Variants in STRIP2 observed in about 807,000 individuals in gnomAD.
STRIP2 encodes striatin-interacting protein 2.
In STRIP2, 84 loss-of-function variants were observed where a neutral mutation model predicts 107.1. That is an observed-to-expected ratio of 0.78 (90% confidence interval 0.66 to 0.94). The LOEUF is 0.94. Among genes scored for constraint, STRIP2 ranks in the 40% least tolerant of loss-of-function variants. The pLI, the probability that STRIP2 is intolerant of heterozygous loss-of-function variation, is 0.00. For missense variants in STRIP2, 888 were observed against 1,034.2 expected (o/e 0.86, Z 1.94); for synonymous variants, 394 against 400.4 (o/e 0.98, Z 0.19).
intron 12 of STRIP2, 100 bp downstream of exon 12, chr7:129,459,680 C>T (rs1410184820): frequency 1.3e-5 from 12 of 929,472 alleles, no homozygotes; most frequent in Non-Finnish European, 1.9e-5. Flanking sequence ...ATACCAGACT[C>T]TTTCTGGACC....
chr7:129,462,421 C>T (rs971460812), intron 13 of STRIP2, among the ~76,000 whole-genome samples: 5 of 152,160 alleles, frequency 3.3e-5, no homozygotes, highest in Non-Finnish European at 7.3e-5. Context: ...CCAGCCTCCC[C>T]ACTCTGATAA....
At chr7:129,447,453 C>T (rs781458618) in intron 3 of STRIP2, among the ~76,000 whole-genome samples, 2 of 152,206 alleles carry the variant, frequency 1.3e-5, no homozygotes, top group Non-Finnish European at 2.9e-5. Flanking sequence ...TCCTCTGGCA[C>T]ACAAATGTCT....
rs900887864 is a variant in STRIP2, at chr7:129,458,640, C to T, written c.1275-72C>T. The T allele has an allele frequency of 1.4e-4, 217 of 1,544,326 alleles. 2 individuals are homozygous for T. The Admixed American group carries it at 3.0e-3, about 21-fold the overall frequency. Reference sequence around the variant, plus strand: ...TCCTCTGATTGGAGGGATAGGAGCCCGGAAAGTTTTTCTCTCTCAAAGTTT... The same window carrying T: ...TCCTCTGATTGGAGGGATAGGAGCCTGGAAAGTTTTTCTCTCTCAAAGTTT... On this transcript the variant is annotated intron_variant, in intron 10 of 20. Coordinates refer to ENST00000249344, the MANE Select transcript of STRIP2 (RefSeq NM_020704.3). This position sits in a 1 kb window ranked among gnomAD's most constrained non-coding sequence, Gnocchi z 4.6.
rs569245015 is a variant in STRIP2, at chr7:129,434,435, A to G, written c.-38A>G. On this transcript the variant is annotated 5_prime_UTR_variant, in exon 1 of 21. Transcript: ENST00000249344. ...GCGGCGGTAGGGTCGCCTCCGGCAAAGCGAGCTGAACCCTGAGGGGAGCCG... is the reference window on the plus strand; with the variant it reads ...GCGGCGGTAGGGTCGCCTCCGGCAAGGCGAGCTGAACCCTGAGGGGAGCCG... The G allele has an allele frequency of 5.6e-5, 81 of 1,448,792 alleles. No homozygotes were observed. In the South Asian group the frequency reaches 1.1e-3, roughly 19 times the overall value. The allele number at this position is 1,448,792 out of a possible 1,614,324, so 89.7% of individuals were successfully genotyped here. A position where few individuals can be genotyped will look rare whatever the true frequency, so the allele number is the denominator to read the frequency against.
At chr7:129,441,712 A>G (rs968322323) in intron 2 of STRIP2, among the ~76,000 whole-genome samples, 1 of 151,782 alleles carries the variant, frequency 6.6e-6, no homozygotes, top group African/African-American at 2.4e-5. Context: ...GGTCATAGGC[A>G]TGCCCTACCA....
intron 2 of STRIP2, among the ~76,000 whole-genome samples, chr7:129,441,351 C>T (rs893974820): frequency 2.0e-5 from 3 of 151,794 alleles, no homozygotes; most frequent in Admixed American, 1.3e-4. Context: ...TGTGACCCAA[C>T]AAGTCTACTC....
At chr7:129,480,714 T>G in intron 18 of STRIP2, 71 bp from the exon 19 acceptor site, 1 of 1,330,622 alleles carries the variant, frequency 7.5e-7, no homozygotes, top group Non-Finnish European at 1.1e-6. Flanking sequence ...TGACCAACAT[T>G]GACTTCCAGG....
intron 15 of STRIP2, 55 bp from the exon 16 acceptor site, chr7:129,464,557 A>G (rs1584956885): frequency 1.3e-6 from 2 of 1,599,322 alleles, no homozygotes; most frequent in Non-Finnish European, 1.7e-6. Context: ...CTGGATCCCT[A>G]CAGGGCTCCC....
At chr7:129,438,604 A>G (rs1432534186) in intron 1 of STRIP2, among the ~76,000 whole-genome samples, 1 of 152,180 alleles carries the variant, frequency 6.6e-6, no homozygotes, top group Non-Finnish European at 1.5e-5. Context: ...GATGTCCTAC[A>G]GTTCAATTCG....
chr7:129,454,033 C>A, intron 5 of STRIP2, 109 bp from the exon 6 acceptor site: 1 of 968,286 alleles, frequency 1.0e-6, no homozygotes, highest in Non-Finnish European at 1.6e-6. Flanking sequence ...TCATTAGTGG[C>A]TGCCTAGCCA....
chr7:129,441,180 A>C (rs1797889238), intron 2 of STRIP2, among the ~76,000 whole-genome samples: 1 of 152,176 alleles, frequency 6.6e-6, no homozygotes, highest in South Asian at 2.1e-4. Context: ...AAATAATAAA[A>C]TATTATTTCA....
chr7:129,462,116 G>A (rs950334491), intron 13 of STRIP2, among the ~76,000 whole-genome samples: 1 of 152,228 alleles, frequency 6.6e-6, no homozygotes, highest in Non-Finnish European at 1.5e-5. Context: ...TTTAGGGATG[G>A]TGGGCAAAGG....
intron 4 of STRIP2, 22 bp from the exon 5 acceptor site, chr7:129,453,205 T>A (rs1562900593): frequency 6.2e-7 from 1 of 1,613,846 alleles, no homozygotes; most frequent in Non-Finnish European, 8.5e-7. Flanking sequence ...TCAACCCCTG[T>A]AACAACTGTC....
At chr7:129,454,368 C>G in intron 6 of STRIP2, 53 bp from the exon 7 acceptor site, 1 of 1,517,778 alleles carries the variant, frequency 6.6e-7, no homozygotes, top group Non-Finnish European at 9.1e-7. Context: ...AGGTCTGTGA[C>G]TATGGGCTGG....
At chr7:129,446,658 C>A (rs978297809) in intron 3 of STRIP2, among the ~76,000 whole-genome samples, 1 of 152,274 alleles carries the variant, frequency 6.6e-6, no homozygotes, top group Non-Finnish European at 1.5e-5. Context: ...CCTCTGTCAA[C>A]TTATAGGGAG....
rs1680969083 is a variant in STRIP2, at chr7:129,486,954, C to T, written c.*1125C>T. The T allele has an allele frequency of 7.4e-6, 1 of 134,510 alleles. No homozygotes were observed. Among genetic ancestry groups the T allele is most frequent in the African/African-American group, 2.9e-5 (1 of 34,788 alleles). 8.3% of individuals were successfully genotyped at this position (134,510 alleles called of 1,614,324 possible). On this transcript the variant is annotated 3_prime_UTR_variant, in exon 21 of 21. Transcript: ENST00000249344. ...AGAATCACATACTTCTCAAGATAAA[C>T]AAGGTTTTTAAAAAAGTTTCTGATT... is the stretch of plus-strand genomic sequence containing the variant.
rs1562905901 is a variant in STRIP2, at chr7:129,459,518, G to T, written c.1342G>T (p.Asp448Tyr). The T allele has an allele frequency of 6.2e-7, 1 of 1,613,932 alleles. No homozygotes were observed. Among genetic ancestry groups the T allele is most frequent in the Admixed American group, 1.7e-5 (1 of 60,008 alleles). The change falls in exon 12 of 21, where the codon GAC (aspartate) becomes TAC (tyrosine). Residue 448 changes from aspartate to tyrosine, a missense_variant and splice_region_variant. By Grantham distance (160) the Asp-to-Tyr change is radical (BLOSUM62 -3). Coordinates refer to ENST00000249344, the MANE Select transcript of STRIP2 (RefSeq NM_020704.3). ...NKFIGFTLGQDTDTLVGLPRP... is the reference protein window; with the variant it reads ...NKFIGFTLGQYTDTLVGLPRP... Reference sequence around the variant, plus strand: ...TCTGGTATGTCTGGCCTTTTACAGGGACACAGATACATTGGTTGGATTACC... The same window carrying T: ...TCTGGTATGTCTGGCCTTTTACAGGTACACAGATACATTGGTTGGATTACC...
intron 18 of STRIP2, 21 bp downstream of exon 18, chr7:129,470,736 T>G (rs373975699): frequency 5.6e-6 from 9 of 1,610,604 alleles, no homozygotes; most frequent in Non-Finnish European, 7.6e-6. Flanking sequence ...GGGGATTTGG[T>G]AGCCTTTGAA....
intron 2 of STRIP2, 24 bp from the exon 3 acceptor site, chr7:129,444,000 A>G: frequency 6.3e-7 from 1 of 1,590,826 alleles, no homozygotes; most frequent in Non-Finnish European, 8.6e-7. Context: ...CCCGAATGTG[A>G]CTGTTCTGTC....
Sources: allele counts gnomAD v4.1 joint callset (sites outside exome capture counted in the v4.1 genomes callset), GRCh38; gene constraint gnomAD v4.1.1; non-coding constraint Gnocchi (gnomAD v3.1); transcripts MANE v1.5; gene names NCBI Gene and HGNC (gene_info 2026-07-23, HGNC 2026-07-21).